The following WDR41 variants were observed in gnomAD, a reference collection of about 807,000 sequenced individuals.
WDR41 encodes WD repeat domain 41.
Under a neutral mutation model 69.3 loss-of-function variants are expected in WDR41, and 63 were observed. The observed-to-expected ratio is 0.91, with a 90% CI of 0.74 to 1.12. The LOEUF is 1.12. WDR41 is among the 50% of genes most tolerant of loss of function. The pLI is 0.00. For synonymous variants in WDR41, 185 were observed against 192.1 expected (o/e 0.96, Z 0.31); for missense variants, 543 against 534.5 (o/e 1.02, Z -0.16).
At chr5:77,497,091 T>A (rs572242357), upstream of WDR41, among the ~76,000 whole-genome samples, 4 of 152,274 alleles carry the variant, frequency 2.6e-5, no homozygotes, top group East Asian at 7.7e-4. Flanking sequence ...TACACAAATG[T>A]TAACTTAAAA....
intron 4 of WDR41, among the ~76,000 whole-genome samples, chr5:77,462,535 A>G (rs1208077832): frequency 1.3e-5 from 2 of 152,158 alleles, no homozygotes; most frequent in African/African-American, 4.8e-5. Context: ...TACTACTGCT[A>G]TCCCATCTTA....
At chr5:77,510,766 A>ATT (rs58752727) in intron 1 of WDR41, among the ~76,000 whole-genome samples, 727 of 99,558 alleles carry the variant, frequency 7.3e-3, no homozygotes, top group Non-Finnish European at 8.5e-3. Flanking sequence ...TCCAAATTCA[A>ATT]TTTTTTTTTT....
At chr5:77,561,764 G>C (rs1178244071) in intron 1 of WDR41, among the ~76,000 whole-genome samples, 1 of 152,030 alleles carries the variant, frequency 6.6e-6, no homozygotes, top group Non-Finnish European at 1.5e-5. Flanking sequence ...GAAATCAAAT[G>C]AAAACTATTT....
At chr5:77,504,738 G>A (rs189606581) in intron 1 of WDR41, among the ~76,000 whole-genome samples, 2,803 of 152,186 alleles carry the variant, frequency 0.018, 63 homozygotes, top group African/African-American at 0.055. Flanking sequence ...ATCAATAAAC[G>A]TAATCCATCA....
At chr5:77,468,556 C>T (rs754909304) in intron 2 of WDR41, among the ~76,000 whole-genome samples, 8 of 152,142 alleles carry the variant, frequency 5.3e-5, no homozygotes, top group Non-Finnish European at 8.8e-5. Context: ...TAGCTAAATG[C>T]TCATTTAATA....
rs1401348039 is a variant in WDR41, at chr5:77,436,306, T to G, written c.1182A>C (p.Ser394=). ...KKQQENATSC[S]LELIGDLIGH... ...CAATCAAATCTCCAATAAGCTCCAG[T>G]GAACATGAAGTAGCATTTTCTTGCT... The change falls in exon 12 of 13, where the codon TCA becomes TCC. Residue 394 remains serine (S), a synonymous_variant. Transcript: ENST00000296679. 1.2e-6 allele frequency: 2 copies of G among 1,614,150 alleles called. No homozygotes were observed. The highest frequency in any genetic ancestry group is 3.3e-5 in the Admixed American group (2 of 60,012).
At chr5:77,436,183 T>C in intron 12 of WDR41, 78 bp downstream of exon 12, 4 of 1,510,864 alleles carry the variant, frequency 2.6e-6, no homozygotes, top group Non-Finnish European at 3.6e-6. Context: ...TATGCCTTTA[T>C]GAGATCAACT....
At chr5:77,468,474 C>T (rs1800404154) in intron 2 of WDR41, among the ~76,000 whole-genome samples, 1 of 152,230 alleles carries the variant, frequency 6.6e-6, no homozygotes, top group South Asian at 2.1e-4. Context: ...CAACAGTGGG[C>T]TGAAAACTAC....
At chr5:77,466,926 C>CTA (rs1800333737) in intron 2 of WDR41, among the ~76,000 whole-genome samples, 2 of 150,222 alleles carry the variant, frequency 1.3e-5, no homozygotes, top group Admixed American at 1.3e-4. Context: ...CATAAAAAAA[C>CTA]TAATAAAGGG....
chr5:77,546,259 C>A, intron 1 of WDR41: 1 of 359,628 alleles, frequency 2.8e-6, no homozygotes, highest in Non-Finnish European at 5.0e-6. Context: ...GCTGTGGCTA[C>A]AACATAGAGT....
At chr5:77,530,371 A>G (rs1174242723) in intron 1 of WDR41, among the ~76,000 whole-genome samples, 6 of 151,682 alleles carry the variant, frequency 4.0e-5, no homozygotes, top group African/African-American at 1.4e-4. Flanking sequence ...GAAATAACCC[A>G]GGTGTCCAAC....
In WDR41 at chr5:77,596,635, T is replaced by TACAGGCA. The variant is rs1744233091; in HGVS notation, c.42+23843_42+23844insTGCCTGT. On this transcript the variant is annotated intron_variant, in intron 1 of 5. Coordinates refer to the WDR41 transcript ENST00000509971. The stretch of plus-strand genomic sequence containing the variant: ...TTTCAGCCTCCCAAGTAGCTGGGGT[T>TACAGGCA]ACAGGTACCACTACACCTGCCTTCT... Among the ~76,000 whole-genome samples, 3 of 152,212 alleles carry TACAGGCA rather than the reference T, an allele frequency of 2.0e-5. No individual in the cohort carries two copies. In the South Asian group the frequency reaches 6.2e-4, roughly 32 times the overall value.
chr5:77,612,334 C>A (rs970814814), intron 1 of WDR41, among the ~76,000 whole-genome samples: 2 of 151,984 alleles, frequency 1.3e-5, no homozygotes, highest in Non-Finnish European at 2.9e-5. Flanking sequence ...GGCAGAGACA[C>A]AACCAAAAAA....
At chr5:77,567,099 A>T (rs1041834339) in intron 1 of WDR41, among the ~76,000 whole-genome samples, 1 of 152,182 alleles carries the variant, frequency 6.6e-6, no homozygotes, top group African/African-American at 2.4e-5. Flanking sequence ...CTCTATTTAC[A>T]CTGATATCGG....
In WDR41 at chr5:77,551,510, G is replaced by A. The variant is rs186290206; in HGVS notation, c.43-61938C>T. On this transcript the variant is annotated intron_variant, in intron 1 of 5. Coordinates refer to the WDR41 transcript ENST00000509971. ...CCGGCCAACATAGCGAAACCCTGTC[G>A]CTACTAAAAACACAAGAATTAGCCT... Among the ~76,000 whole-genome samples the A allele has an allele frequency of 3.3e-3, 472 of 142,298 alleles. 6 individuals are homozygous for A. Among genetic ancestry groups the A allele is most frequent in the African/African-American group, 0.013 (457 of 34,288 alleles). 93.4% of individuals were successfully genotyped at this position (142,298 alleles called of 152,430 possible). A position where few individuals can be genotyped will look rare whatever the true frequency, so the allele number is the denominator to read the frequency against.
chr5:77,519,954 A>AT (rs1802348459), intron 1 of WDR41, among the ~76,000 whole-genome samples: 1 of 151,916 alleles, frequency 6.6e-6, no homozygotes, highest in Non-Finnish European at 1.5e-5. Flanking sequence ...AAAATTTTGT[A>AT]TTTTTTGTAA....
chr5:77,518,911 T>C (rs10474515), intron 1 of WDR41, among the ~76,000 whole-genome samples: 136,410 of 152,022 alleles, frequency 0.9, 61,521 homozygotes, highest in East Asian at 0.99. Flanking sequence ...TAATTTTCTT[T>C]GCGACCTCCA....
rs761763108 is a variant in WDR41, at chr5:77,433,126, TTCC to T, written c.*6_*8del. The stretch of plus-strand genomic sequence containing the variant: ...AAGGTTCATGCATGTGTATTTTTAA[TTCC>T]TTAAACTAGACAGCAAGGTATAAGT... On this transcript the variant is annotated 3_prime_UTR_variant, in exon 13 of 13. Transcript: ENST00000296679. The T allele has an allele frequency of 5.9e-5, 94 of 1,605,782 alleles. No individual in the cohort carries two copies. Among genetic ancestry groups the T allele is most frequent in the Non-Finnish European group, 7.5e-5 (88 of 1,176,756 alleles).
intron 2 of WDR41, among the ~76,000 whole-genome samples, chr5:77,467,514 T>C (rs1040780661): frequency 2.0e-5 from 3 of 152,012 alleles, no homozygotes; most frequent in South Asian, 2.1e-4. Flanking sequence ...CCAATTACAA[T>C]TGAAACACAC....
Sources: allele counts gnomAD v4.1 joint callset (sites outside exome capture counted in the v4.1 genomes callset), GRCh38; gene constraint gnomAD v4.1.1; transcripts MANE v1.5; gene names NCBI Gene and HGNC (gene_info 2026-07-23, HGNC 2026-07-21).